Variants in PTPN4 observed in about 807,000 individuals in gnomAD.
PTPN4 encodes protein tyrosine phosphatase non-receptor type 4.
Under a neutral mutation model 135.5 loss-of-function variants are expected in PTPN4, and 49 were observed. That is an observed-to-expected ratio of 0.36 (90% confidence interval 0.29 to 0.46). PTPN4 has a LOEUF of 0.46. Among genes scored for constraint, PTPN4 ranks in the 20% least tolerant of loss-of-function variants. PTPN4 has a pLI of 1.00. For missense variants in PTPN4, 860 were observed against 1,101.0 expected, an observed-to-expected ratio of 0.78 and a Z score of 3.10; for synonymous variants, 333 against 369.9, an observed-to-expected ratio of 0.90 and a Z score of 1.14.
At chr2:119,832,056 C>G (rs1262861954) in intron 2 of PTPN4, among the ~76,000 whole-genome samples, 2 of 152,098 alleles carry the variant, frequency 1.3e-5, no homozygotes, top group Non-Finnish European at 2.9e-5. Flanking sequence ...GTGAGAATAG[C>G]TCATAGAAAG....
In PTPN4 at chr2:119,853,304, CTT is replaced by C. The variant is rs763444258; in HGVS notation, c.139-9230_139-9229del. ...TGCCATTTTATTACTAGTTTTATGA[CTT>C]TATTATTTGTTTCCTTATTTTCTGT... is the stretch of plus-strand genomic sequence containing the variant. On this transcript the variant is annotated intron_variant, in intron 2 of 26. Transcript: ENST00000263708. Among the ~76,000 whole-genome samples, 67 of 152,012 alleles carry C rather than the reference CTT, an allele frequency of 4.4e-4. 1 individual carries two copies. The highest frequency in any genetic ancestry group is 3.5e-4 in the Non-Finnish European group (24 of 67,992).
chr2:119,937,622 G>T (rs1194604683), intron 15 of PTPN4, among the ~76,000 whole-genome samples: 1 of 152,146 alleles, frequency 6.6e-6, no homozygotes, highest in African/African-American at 2.4e-5. Context: ...AAGCTCAGTG[G>T]ACTGAAATAA....
At position 119,981,680 on chromosome 2, in the gene PTPN4, G is replaced by A. The variant is rs926015602; in HGVS notation, c.*4610G>A. On this transcript the variant is annotated 3_prime_UTR_variant, in exon 27 of 27. Transcript: ENST00000263708. Reference sequence around the variant, plus strand: ...TTGTATGTTTTTTGTTCAACTTACCGTGTCTGCAACCATTATATAGACTTC... The same window carrying A: ...TTGTATGTTTTTTGTTCAACTTACCATGTCTGCAACCATTATATAGACTTC... 5.9e-5 allele frequency: 9 copies of A among 151,920 alleles called. No homozygotes were observed. Among genetic ancestry groups the A allele is most frequent in the Admixed American group, 2.6e-4 (4 of 15,236 alleles). 9.4% of individuals were successfully genotyped at this position (151,920 alleles called of 1,614,324 possible). A position where few individuals can be genotyped will look rare whatever the true frequency, so the allele number is the denominator to read the frequency against.
intron 26 of PTPN4, among the ~76,000 whole-genome samples, chr2:119,972,526 A>T (rs894525410): frequency 6.6e-6 from 1 of 152,028 alleles, no homozygotes; most frequent in Non-Finnish European, 1.5e-5. Context: ...CTTCTTTCCA[A>T]TCTAGATGCC....
At chr2:119,769,235 A>T (rs1182477861) in intron 1 of PTPN4, among the ~76,000 whole-genome samples, 1 of 152,212 alleles carries the variant, frequency 6.6e-6, no homozygotes, top group East Asian at 1.9e-4. Flanking sequence ...TGAAGTAAGG[A>T]ATTTCATGAA....
rs557135305 is a variant in PTPN4 at position 119,759,995 on chromosome 2, C to G, written c.-407C>G. On this transcript the variant is annotated 5_prime_UTR_variant, in exon 1 of 27. Coordinates refer to ENST00000263708, the MANE Select transcript of PTPN4 (RefSeq NM_002830.4). ...CGCCCCACCACCAACATTGTTCTCT[C>G]AGGACTCCTGGGTCCCAGGGGCCGG... The G allele has an allele frequency of 1.1e-5, 4 of 380,356 alleles. No homozygotes were observed. The South Asian group carries it at 5.8e-4, about 55-fold the overall frequency. The allele number at this position is 380,356 out of a possible 1,614,324, so 23.6% of individuals were successfully genotyped here. A position where few individuals can be genotyped will look rare whatever the true frequency, so the allele number is the denominator to read the frequency against.
At chr2:119,878,945 T>C (rs1202665639) in intron 5 of PTPN4, among the ~76,000 whole-genome samples, 2 of 151,676 alleles carry the variant, frequency 1.3e-5, no homozygotes, top group African/African-American at 2.4e-5. Context: ...TACAAAAAAT[T>C]AGCCGGGTGT....
In PTPN4 at chr2:119,821,093, A is replaced by ATT. The variant is rs34372928; in HGVS notation, c.138+11121_138+11122dup. On this transcript the variant is annotated intron_variant, in intron 2 of 26. Transcript: ENST00000263708. ...ATTTACCTTTTGAATTCTATCCATAATTTTTTTTTTTTTTTTTTTTGAGAC... is the reference window on the plus strand; with the variant it reads ...ATTTACCTTTTGAATTCTATCCATAATTTTTTTTTTTTTTTTTTTTTTGAGAC... Among the ~76,000 whole-genome samples the ATT allele has an allele frequency of 2.4e-4, 29 of 122,388 alleles. 1 individual carries two copies. The highest frequency in any genetic ancestry group is 5.4e-4 in the South Asian group (2 of 3,674). 80.3% of individuals were successfully genotyped at this position (122,388 alleles called of 152,430 possible).
chr2:119,896,497 A>G (rs529027946), intron 9 of PTPN4, among the ~76,000 whole-genome samples: 1 of 152,268 alleles, frequency 6.6e-6, no homozygotes, highest in Admixed American at 6.5e-5. Context: ...ATCTAGCAGC[A>G]TGTTCAGATT....
At chr2:119,888,598 C>G (rs1678194189) in intron 9 of PTPN4, among the ~76,000 whole-genome samples, 1 of 151,856 alleles carries the variant, frequency 6.6e-6, no homozygotes, top group Non-Finnish European at 1.5e-5. Context: ...GGTTTTTATT[C>G]TTCATTCTGT....
At chr2:119,773,314 T>G (rs1017727428) in intron 1 of PTPN4, among the ~76,000 whole-genome samples, 1 of 152,200 alleles carries the variant, frequency 6.6e-6, no homozygotes, top group African/African-American at 2.4e-5. Flanking sequence ...GGATTTGAAC[T>G]GTGTGGGTCC....
intron 2 of PTPN4, among the ~76,000 whole-genome samples, chr2:119,822,847 T>C (rs1677090086): frequency 6.6e-6 from 1 of 152,204 alleles, no homozygotes; most frequent in Non-Finnish European, 1.5e-5. Flanking sequence ...AGTAAGTTAT[T>C]AATTCTTTTT....
chr2:119,910,678 A>G (rs1678558390), intron 10 of PTPN4, among the ~76,000 whole-genome samples: 2 of 152,102 alleles, frequency 1.3e-5, no homozygotes, highest in South Asian at 2.1e-4. Context: ...AGTGAGTCTC[A>G]TGATATCTGT....
At chr2:119,951,571 T>G (rs1458678809) in intron 18 of PTPN4, among the ~76,000 whole-genome samples, 1 of 152,244 alleles carries the variant, frequency 6.6e-6, no homozygotes, top group East Asian at 1.9e-4. Flanking sequence ...TGTGTACTTT[T>G]TACAGTTATT....
At chr2:119,868,238 C>T (rs890048364) in intron 3 of PTPN4, among the ~76,000 whole-genome samples, 1 of 152,130 alleles carries the variant, frequency 6.6e-6, no homozygotes, top group Non-Finnish European at 1.5e-5. Flanking sequence ...TGAAGTAGTA[C>T]TTCCTCTAGA....
At chr2:119,765,516 TTTAA>T (rs763317531) in intron 1 of PTPN4, among the ~76,000 whole-genome samples, 2 of 152,226 alleles carry the variant, frequency 1.3e-5, no homozygotes, top group East Asian at 1.9e-4. Flanking sequence ...ATTTCATTGT[TTTAA>T]TTAATGTAAT....
chr2:119,978,162 A>G lies in PTPN4; in HGVS notation c.*1092A>G, dbSNP rs1457204406. On this transcript the variant is annotated 3_prime_UTR_variant, in exon 27 of 27. Coordinates refer to ENST00000263708, the MANE Select transcript of PTPN4 (RefSeq NM_002830.4). ...CTTTAAAAGATGCTTTTATGCTTCAAATTTCATATTTATTTCATCCCTAAC... is the reference window on the plus strand; with the variant it reads ...CTTTAAAAGATGCTTTTATGCTTCAGATTTCATATTTATTTCATCCCTAAC... 6.6e-6 allele frequency: 1 copy of G among 152,184 alleles called. No homozygotes were observed. Among genetic ancestry groups the G allele is most frequent in the Non-Finnish European group, 1.5e-5 (1 of 68,014 alleles). The allele number at this position is 152,184 out of a possible 1,614,324, so 9.4% of individuals were successfully genotyped here.
chr2:119,858,479 T>A (rs1677713432), intron 2 of PTPN4, among the ~76,000 whole-genome samples: 1 of 152,214 alleles, frequency 6.6e-6, no homozygotes, highest in Non-Finnish European at 1.5e-5. Flanking sequence ...TGTAAAAATT[T>A]TATTTTACAA....
intron 1 of PTPN4, among the ~76,000 whole-genome samples, chr2:119,778,504 G>A (rs574792012): frequency 1.3e-5 from 2 of 152,230 alleles, no homozygotes; most frequent in East Asian, 1.9e-4. Context: ...ACATACTTAC[G>A]TGAATAAACA....
Sources: allele counts gnomAD v4.1 joint callset (sites outside exome capture counted in the v4.1 genomes callset), GRCh38; gene constraint gnomAD v4.1.1; transcripts MANE v1.5; gene names NCBI Gene and HGNC (gene_info 2026-07-23, HGNC 2026-07-21).